Variants in FRMD3 observed in about 807,000 individuals in gnomAD.
The protein encoded by FRMD3 is FERM domain-containing protein 3.
In FRMD3, 33 loss-of-function variants were observed where a neutral mutation model predicts 70.2. That is an observed-to-expected ratio of 0.47 (90% confidence interval 0.36 to 0.63). The LOEUF is 0.63. Ranked by LOEUF, FRMD3 falls within the 20% of genes least tolerant of loss-of-function variation. FRMD3 has a pLI of 0.00. For synonymous variants in FRMD3, 279 were observed against 255.9 expected (o/e 1.09, Z -0.86); for missense variants, 632 against 711.4 (o/e 0.89, Z 1.27).
intron 1 of FRMD3, among the ~76,000 whole-genome samples, chr9:83,531,232 CT>C (rs763833379): frequency 2.0e-5 from 3 of 152,116 alleles, no homozygotes; most frequent in Non-Finnish European, 4.4e-5. Flanking sequence ...TAATTCAAGA[CT>C]TCTGAATATA....
intron 13 of FRMD3, among the ~76,000 whole-genome samples, chr9:83,265,067 A>C (rs1258256521): frequency 6.6e-6 from 1 of 152,146 alleles, no homozygotes; most frequent in Non-Finnish European, 1.5e-5. Flanking sequence ...TACAGAAAGC[A>C]AATAGTTTGC....
intron 1 of FRMD3, among the ~76,000 whole-genome samples, chr9:83,492,952 G>A (rs1299152493): frequency 2.6e-5 from 4 of 152,116 alleles, no homozygotes; most frequent in Non-Finnish European, 5.9e-5. Flanking sequence ...CAAGTCCAGG[G>A]GCCGAGACAT....
At chr9:83,272,504 T>C (rs1038833008) in intron 13 of FRMD3, among the ~76,000 whole-genome samples, 3 of 152,162 alleles carry the variant, frequency 2.0e-5, no homozygotes, top group Admixed American at 6.5e-5. Context: ...AGTGCCGAGA[T>C]TGCAGCTTCT....
intron 1 of FRMD3, among the ~76,000 whole-genome samples, chr9:83,392,789 A>ATC (rs1253922742): frequency 6.6e-6 from 1 of 152,196 alleles, no homozygotes; most frequent in East Asian, 1.9e-4. Context: ...ACTTTCATGC[A>ATC]TCTCTCTCAA....
chr9:83,385,184 A>C (rs1228698951), intron 2 of FRMD3, among the ~76,000 whole-genome samples: 1 of 68,280 alleles, frequency 1.5e-5, no homozygotes, highest in African/African-American at 6.5e-5. Flanking sequence ...AATATACTGG[A>C]GTAAAAAAAA....
chr9:83,554,034 T>C, the FRMD3 span, among the ~76,000 whole-genome samples: 1 of 152,010 alleles, frequency 6.6e-6, no homozygotes, highest in Non-Finnish European at 1.5e-5. Context: ...ATAGACTTCT[T>C]TTCTGAATGT....
At chr9:83,449,377 T>A (rs184537035) in intron 1 of FRMD3, among the ~76,000 whole-genome samples, 4 of 152,320 alleles carry the variant, frequency 2.6e-5, no homozygotes, top group African/African-American at 9.6e-5. Flanking sequence ...TAAAATATCT[T>A]TTAGAAGAAG....
At chr9:83,326,592 T>C (rs555036105) in intron 6 of FRMD3, among the ~76,000 whole-genome samples, 3 of 125,506 alleles carry the variant, frequency 2.4e-5, no homozygotes, top group Admixed American at 1.5e-4. Flanking sequence ...GAAGAAACCA[T>C]TTAATGATCC....
upstream of FRMD3, among the ~76,000 whole-genome samples, chr9:83,543,403 A>T (rs551412365): frequency 7.3e-4 from 111 of 152,198 alleles, no homozygotes; most frequent in Middle Eastern, 3.4e-3. Flanking sequence ...CTCTGCCCTC[A>T]CAAGCTTATG....
intron 1 of FRMD3, among the ~76,000 whole-genome samples, chr9:83,423,561 T>C (rs1052931976): frequency 6.7e-6 from 1 of 149,644 alleles, no homozygotes; most frequent in Non-Finnish European, 1.5e-5. Flanking sequence ...AAACTTTAGT[T>C]CCCTAGTTGC....
Position 83,313,682 on chromosome 9 carries a change from C to A in FRMD3, c.662G>T (p.Gly221Val). 6.2e-7 allele frequency: 1 copy of A among 1,613,984 alleles called. No individual in the cohort carries two copies. Among genetic ancestry groups the A allele is most frequent in the Non-Finnish European group, 8.5e-7 (1 of 1,179,896 alleles). ...TACCTTGCATGGGTGAGGATCCACC[C>A]CGTAGGTTTCCAAAGTGTGAGCTTT... is the stretch of plus-strand genomic sequence containing the variant. ...LLKAHTLETY[G>V]VDPHPCKDST... Residue 221 changes from glycine to valine, a missense_variant, in exon 7 of 14, where the codon GGG becomes GTG. Physicochemically the swap from Gly to Val is moderately radical, Grantham distance 109. Coordinates refer to ENST00000304195, the MANE Select transcript of FRMD3 (RefSeq NM_174938.6).
the FRMD3 span, among the ~76,000 whole-genome samples, chr9:83,558,704 T>C: frequency 6.6e-6 from 1 of 152,212 alleles, no homozygotes; most frequent in African/African-American, 2.4e-5. Context: ...GAAAACTTTC[T>C]GGAAAGGATT....
intron 3 of FRMD3, among the ~76,000 whole-genome samples, chr9:83,357,251 A>G (rs1218194621): frequency 0.073 from 868 of 11,886 alleles, 316 homozygotes; most frequent in African/African-American, 0.35. Context: ...ACATACATAT[A>G]TATATATATA....
intron 13 of FRMD3, among the ~76,000 whole-genome samples, chr9:83,255,683 G>T (rs1003658551): frequency 6.6e-6 from 1 of 152,082 alleles, no homozygotes; most frequent in African/African-American, 2.4e-5. Flanking sequence ...AAAGTCTCAG[G>T]ATATAAAATC....
intron 10 of FRMD3, among the ~76,000 whole-genome samples, chr9:83,300,008 G>A (rs1173675820): frequency 6.6e-6 from 1 of 152,182 alleles, no homozygotes; most frequent in Non-Finnish European, 1.5e-5. Flanking sequence ...GAAAGAACAG[G>A]TCTCAGAGAG....
intron 1 of FRMD3, among the ~76,000 whole-genome samples, chr9:83,420,564 T>C (rs1296175876): frequency 2.6e-5 from 4 of 152,166 alleles, no homozygotes; most frequent in Non-Finnish European, 5.9e-5. Flanking sequence ...TCTAAAATGG[T>C]TGGCAGAGAG....
At chr9:83,458,817 C>T (rs1249467509) in intron 1 of FRMD3, among the ~76,000 whole-genome samples, 1 of 151,912 alleles carries the variant, frequency 6.6e-6, no homozygotes, top group African/African-American at 2.4e-5. Flanking sequence ...AAAAAACAGA[C>T]ACTAAATGAA....
chr9:83,291,356 G>A (rs942468132), intron 12 of FRMD3, among the ~76,000 whole-genome samples: 1 of 152,186 alleles, frequency 6.6e-6, no homozygotes, highest in Non-Finnish European at 1.5e-5. Flanking sequence ...ATCTCATTAA[G>A]CCTATTGGTT....
At chr9:83,482,237 T>C (rs942564114) in intron 1 of FRMD3, among the ~76,000 whole-genome samples, 2 of 152,206 alleles carry the variant, frequency 1.3e-5, no homozygotes, top group African/African-American at 4.8e-5. Context: ...TTGAAGAATA[T>C]TTATTTGCTC....
Sources: gnomAD v4.1 joint callset for allele counts (sites outside exome capture counted in the v4.1 genomes callset) on GRCh38, gnomAD v4.1.1 for gene constraint, MANE v1.5 for transcripts, NCBI Gene and HGNC (gene_info 2026-07-23, HGNC 2026-07-21) for gene names.